The following FOCAD variants were observed in gnomAD, a reference collection of about 807,000 sequenced individuals.
FOCAD encodes focadhesin, also known as KIAA1797.
Under a neutral mutation model 225.6 loss-of-function variants are expected in FOCAD, and 198 were observed. The observed-to-expected ratio is 0.88, with a 90% CI of 0.78 to 0.99. FOCAD has a LOEUF of 0.99. Ranked by LOEUF, FOCAD falls within the 50% of genes least tolerant of loss-of-function variation. The probability of loss-of-function intolerance (pLI) is 0.00; values close to 1 mark genes in which losing one functional copy is unlikely to be tolerated. For synonymous variants in FOCAD, 897 were observed against 755.0 expected, an observed-to-expected ratio of 1.19 and a Z score of -3.08; for missense variants, 2,713 against 2,123.6, an observed-to-expected ratio of 1.28 and a Z score of -5.46.
At chr9:20,750,867 C>G (rs376012331) in intron 5 of FOCAD, among the ~76,000 whole-genome samples, 6 of 152,206 alleles carry the variant, frequency 3.9e-5, no homozygotes, top group African/African-American at 1.4e-4. Flanking sequence ...TGAGAGCTGC[C>G]ACCTTTAATA....
chr9:20,948,328 C>T lies in FOCAD; in HGVS notation c.3733C>T (p.His1245Tyr). Residue 1245 changes from histidine to tyrosine, a missense_variant, in exon 31 of 44, where the codon CAT becomes TAT. By Grantham distance (83) the His-to-Tyr change is moderately conservative. Transcript: ENST00000338382. ...NIVHGLSVCG[H>Y]GKAEDLGSKL... ...AGTTCATGGATTGTCTGTGTGTGGA[C>T]ATGGAAAAGCTGAAGACTTGGGCAG... 6.2e-7 allele frequency: 1 copy of T among 1,612,266 alleles called. No homozygotes were observed.
At chr9:20,955,263 A>G (rs1175978396) in intron 35 of FOCAD, among the ~76,000 whole-genome samples, 3 of 152,126 alleles carry the variant, frequency 2.0e-5, no homozygotes, top group Non-Finnish European at 4.4e-5. Context: ...CCCAATCCAC[A>G]TTTGTGCTAG....
intron 15 of FOCAD, among the ~76,000 whole-genome samples, chr9:20,854,403 C>T (rs1827961392): frequency 6.6e-6 from 1 of 151,646 alleles, no homozygotes; most frequent in Non-Finnish European, 1.5e-5. Flanking sequence ...TTGTGCTGTA[C>T]ATAGAGCAGG....
At chr9:20,685,680 T>C (rs1321430526) in intron 1 of FOCAD, among the ~76,000 whole-genome samples, 1 of 152,246 alleles carries the variant, frequency 6.6e-6, no homozygotes, top group Non-Finnish European at 1.5e-5. Context: ...TAGTGGAAGC[T>C]AAAACCTCTG....
rs1394652364 is a variant in FOCAD at position 20,990,155 on chromosome 9, C to A, written c.5037C>A (p.Thr1679=). The A allele has an allele frequency of 3.1e-6, 5 of 1,614,184 alleles. No homozygotes were observed. The highest frequency in any genetic ancestry group is 4.2e-6 in the Non-Finnish European group (5 of 1,180,018). ...ALDFFLLIFA[T]AVVAWADHTA... ...ACTTCTTCTTGCTGATATTTGCAAC[C>A]GCAGTGGTTGCATGGGCTGACCACA... Residue 1679 remains threonine (T), a synonymous_variant, in exon 42 of 44, where the codon ACC becomes ACA. Transcript: ENST00000338382.
Position 20,944,744 on chromosome 9 carries a change from C to T in FOCAD, c.3525C>T (p.Asp1175=). Residue 1175 remains aspartate (D), a synonymous_variant, in exon 29 of 44, where the codon GAC becomes GAT. Transcript: ENST00000338382. ...GGAAGCTGTCTGCGCACGTAGATGA[C>T]AGCGGGAGCCAGAGCAGAACGTTTC... is the stretch of plus-strand genomic sequence containing the variant. The part of the protein sequence containing the change: ...LLRKLSAHVD[D]SGSQSRTFQE... 1.9e-6 allele frequency: 3 copies of T among 1,613,778 alleles called. No individual in the cohort carries two copies. The highest frequency in any genetic ancestry group is 2.5e-6 in the Non-Finnish European group (3 of 1,179,788).
chr9:20,970,639 T>C (rs35302379), intron 35 of FOCAD, among the ~76,000 whole-genome samples: 29,795 of 152,028 alleles, frequency 0.2, 3,534 homozygotes, highest in South Asian at 0.32. Context: ...TGAATATATT[T>C]AAGAGAGTTG....
chr9:20,768,353 A>G (rs1260904134), intron 7 of FOCAD, among the ~76,000 whole-genome samples: 1 of 152,034 alleles, frequency 6.6e-6, no homozygotes, highest in East Asian at 1.9e-4. Context: ...TTTTTTTCCA[A>G]TTCTGTGAAG....
chr9:20,816,845 C>T (rs995726681), intron 11 of FOCAD, among the ~76,000 whole-genome samples: 10 of 152,016 alleles, frequency 6.6e-5, no homozygotes, highest in African/African-American at 2.4e-4. Context: ...CAATATAGTA[C>T]AACAACTATT....
At chr9:20,890,430 CAATT>C (rs1176539576) in intron 21 of FOCAD, among the ~76,000 whole-genome samples, 1 of 148,330 alleles carries the variant, frequency 6.7e-6, no homozygotes, top group African/African-American at 2.5e-5. Context: ...TTTTCTGTAT[CAATT>C]GAGATGATTC....
intron 35 of FOCAD, among the ~76,000 whole-genome samples, chr9:20,970,192 A>G (rs1046791536): frequency 7.1e-6 from 1 of 141,358 alleles, no homozygotes; most frequent in African/African-American, 2.6e-5. Context: ...CTTTGCCTTT[A>G]TCTTTCTTAG....
chr9:20,983,339 C>T (rs1341723760), intron 39 of FOCAD, among the ~76,000 whole-genome samples: 1 of 151,996 alleles, frequency 6.6e-6, no homozygotes, highest in Non-Finnish European at 1.5e-5. Context: ...TTTGGGAGGC[C>T]GAGGCGGGTG....
chr9:20,963,150 A>G (rs932443033), intron 35 of FOCAD, among the ~76,000 whole-genome samples: 2 of 152,206 alleles, frequency 1.3e-5, no homozygotes, highest in Admixed American at 1.3e-4. Context: ...GAGTGTAGTT[A>G]TACTACTCAA....
chr9:20,789,593 A>C lies in FOCAD; in HGVS notation c.1440A>C (p.Gln480His). The C allele has an allele frequency of 6.2e-7, 1 of 1,613,958 alleles. No individual in the cohort carries two copies. The highest frequency in any genetic ancestry group is 8.5e-7 in the Non-Finnish European group (1 of 1,179,912). ...TCAAGGTCACTACAGAATTAGCCCA[A>C]GCAGATTCCTCCCAGGTAAAGCAAG... ...QILKVTTELA[Q>H]ADSSQVPNLI... Residue 480 changes from glutamine (Q) to histidine (H), a missense_variant, in exon 11 of 44, where the codon CAA (glutamine) becomes CAC (histidine). Transcript: ENST00000338382.
chr9:20,770,587 G>A (rs559621945), intron 8 of FOCAD, among the ~76,000 whole-genome samples: 1 of 152,308 alleles, frequency 6.6e-6, no homozygotes. Flanking sequence ...CCAGTCATCT[G>A]CACCAGACCC....
Position 20,951,009 on chromosome 9 carries a change from C to G in FOCAD, c.3962C>G (p.Ser1321Cys). ...TTTTATTTGTAGGTCATTAGTGTCT[C>G]TGGGGTGATTGGTCTCCAGTCAAAT... ...IRTLTQVISV[S>C]GVIGLQSNAV... The change falls in exon 34 of 44, where the codon TCT (serine) becomes TGT (cysteine). Residue 1321 changes from serine (S) to cysteine (C), a missense_variant. Physicochemically the swap from Ser to Cys is moderately radical, Grantham distance 112. Coordinates refer to ENST00000338382, the MANE Select transcript of FOCAD (RefSeq NM_001375567.1). The G allele has an allele frequency of 6.2e-7, 1 of 1,613,260 alleles. No homozygotes were observed. The highest frequency in any genetic ancestry group is 1.7e-5 in the Admixed American group (1 of 59,984).
intron 21 of FOCAD, among the ~76,000 whole-genome samples, chr9:20,900,654 G>A (rs1396829147): frequency 6.6e-6 from 1 of 151,854 alleles, no homozygotes; most frequent in Non-Finnish European, 1.5e-5. Context: ...AATAATAATG[G>A]GGAGAAGTGG....
rs367867901 is a variant in FOCAD, at chr9:20,663,474, AACACAC to A, written c.-78+4676_-78+4681del. Among the ~76,000 whole-genome samples the A allele has an allele frequency of 2.9e-4, 43 of 149,048 alleles. No individual in the cohort carries two copies. The East Asian group carries it at 5.5e-3, about 19-fold the overall frequency. The stretch of plus-strand genomic sequence containing the variant: ...TACTACATGTATGCATGTGTGCATG[AACACAC>A]ACACACACACACACACACACACACA... On this transcript the variant is annotated intron_variant, in intron 2 of 45. Coordinates refer to the FOCAD transcript ENST00000380249.
chr9:20,663,723 C>T (rs910196891), intron 2 of FOCAD, among the ~76,000 whole-genome samples: 1 of 152,192 alleles, frequency 6.6e-6, no homozygotes, highest in Admixed American at 6.5e-5. Context: ...AAGCCTGAGA[C>T]TGCTTCACGT....
Sources: allele counts gnomAD v4.1 joint callset (sites outside exome capture counted in the v4.1 genomes callset), GRCh38; gene constraint gnomAD v4.1.1; transcripts MANE v1.5; gene names NCBI Gene and HGNC (gene_info 2026-07-23, HGNC 2026-07-21).